TP63: variants seen among roughly 807,000 people sequenced by gnomAD.
The protein encoded by TP63 is tumor protein p63, also known as tumor protein 63.
In TP63, 17 loss-of-function variants were observed where a neutral mutation model predicts 82.8. That is an observed-to-expected ratio of 0.21 (90% confidence interval 0.14 to 0.31). The LOEUF (loss-of-function observed/expected upper bound fraction) is 0.31, where lower values mean the gene tolerates loss of function less well. TP63 is among the 10% of genes least tolerant of loss of function. The pLI, the probability that TP63 is intolerant of heterozygous loss-of-function variation, is 1.00. For synonymous variants in TP63, 330 were observed against 321.7 expected (o/e 1.03, Z -0.28); for missense variants, 648 against 895.3 (o/e 0.72, Z 3.52).
intron 1 of TP63, among the ~76,000 whole-genome samples, chr3:189,720,975 A>G (rs1719348530): frequency 6.6e-6 from 1 of 152,152 alleles, no homozygotes; most frequent in Non-Finnish European, 1.5e-5. Context: ...CTATTCGTAA[A>G]CAAGTCTCTC....
chr3:189,665,479 T>C (rs1218988722), intron 1 of TP63, among the ~76,000 whole-genome samples: 1 of 151,990 alleles, frequency 6.6e-6, no homozygotes, highest in Non-Finnish European at 1.5e-5. Flanking sequence ...TAGATTAGAG[T>C]ATATGTAGTT....
chr3:189,669,609 A>T (rs1010531060), intron 1 of TP63, among the ~76,000 whole-genome samples: 1 of 152,082 alleles, frequency 6.6e-6, no homozygotes, highest in African/African-American at 2.4e-5. Context: ...AGGGAAGACA[A>T]GGAAAATAGA....
chr3:189,665,149 G>C (rs932045391), intron 1 of TP63, among the ~76,000 whole-genome samples: 1 of 152,086 alleles, frequency 6.6e-6, no homozygotes, highest in African/African-American at 2.4e-5. Flanking sequence ...CTCCTTATGA[G>C]AGTGTACTAC....
chr3:189,659,131 C>A (rs1050609642), intron 1 of TP63, among the ~76,000 whole-genome samples: 1 of 151,830 alleles, frequency 6.6e-6, no homozygotes, highest in African/African-American at 2.4e-5. Context: ...GAATATATTG[C>A]ATGATGCTGA....
chr3:189,672,121 C>T (rs763279338), intron 1 of TP63, among the ~76,000 whole-genome samples: 8 of 151,994 alleles, frequency 5.3e-5, no homozygotes, highest in Non-Finnish European at 1.0e-4. Flanking sequence ...GATCATTACA[C>T]ATTGTAGATA....
rs985535592 is a variant in TP63, at chr3:189,867,307, G to A, written c.882+510G>A. Among the ~76,000 whole-genome samples, 6 of 152,038 alleles carry A rather than the reference G, an allele frequency of 3.9e-5. 1 individual carries two copies. Among genetic ancestry groups the A allele is most frequent in the African/African-American group, 9.7e-5 (4 of 41,398 alleles). On this transcript the variant is annotated intron_variant, in intron 6 of 13. Transcript: ENST00000264731. ...TTGCTGGCTTGCTGTGTGGACCTTC[G>A]GCAACTCTCTCTCTCTAGGCTTCAG...
intron 1 of TP63, among the ~76,000 whole-genome samples, chr3:189,641,960 T>C (rs1175025347): frequency 6.6e-6 from 1 of 152,206 alleles, no homozygotes. Context: ...CTGTTTGTAC[T>C]ATCATTCTCA....
chr3:189,867,468 C>A (rs1291641213), intron 6 of TP63, among the ~76,000 whole-genome samples: 1 of 152,188 alleles, frequency 6.6e-6, no homozygotes, highest in Non-Finnish European at 1.5e-5. Context: ...GGAAAATATT[C>A]TTGGAGCATT....
rs1721527174 is a variant in TP63, at chr3:189,897,033, A to C, written c.*2531A>C. 2 of 225,978 alleles carry C rather than the reference A, an allele frequency of 8.9e-6. No homozygotes were observed. The highest frequency in any genetic ancestry group is 1.8e-5 in the Non-Finnish European group (2 of 113,494). 14.0% of individuals were successfully genotyped at this position (225,978 alleles called of 1,614,324 possible). ...CAGTATGTGGGATATTGAATGTTAA[A>C]GGGATATTTTTTTCTATTATTTTTA... is the stretch of plus-strand genomic sequence containing the variant. On this transcript the variant is annotated 3_prime_UTR_variant, in exon 14 of 14. Transcript: ENST00000264731.
intron 1 of TP63, 25 bp from the exon 2 acceptor site, chr3:189,737,715 C>T: frequency 1.2e-6 from 2 of 1,611,388 alleles, no homozygotes; most frequent in Non-Finnish European, 1.7e-6. Context: ...AAGTATAATA[C>T]TAGTTTCATT....
intron 3 of TP63, among the ~76,000 whole-genome samples, chr3:189,765,432 G>GATTTTTTTTTTTTTTTTTTTT (rs1560167431): frequency 1.6e-4 from 1 of 6,186 alleles, no homozygotes; most frequent in Non-Finnish European, 3.7e-4. Flanking sequence ...CCTGTCCTCT[G>GATTTTTTTTTTTTTTTTTTTT]CTTTTTTTTT....
rs976609003 is a variant in TP63 at position 189,779,146 on chromosome 3, A to T, written c.325-29126A>T. ...TAGTTTCCCTTTACTTTTAAGCAAC[A>T]TATATATTAACACTAAAGTAGCTTT... On this transcript the variant is annotated intron_variant, in intron 3 of 13. Transcript: ENST00000264731. Among the ~76,000 whole-genome samples, 8 of 152,196 alleles carry T rather than the reference A, an allele frequency of 5.3e-5. 1 individual carries two copies. The highest frequency in any genetic ancestry group is 7.2e-5 in the African/African-American group (3 of 41,446).
intron 3 of TP63, among the ~76,000 whole-genome samples, chr3:189,750,615 TA>T (rs1179661952): frequency 1.3e-5 from 2 of 152,122 alleles, no homozygotes; most frequent in Non-Finnish European, 2.9e-5. Flanking sequence ...ATGTATCAAT[TA>T]AAAAATATTG....
At chr3:189,863,602 C>T (rs771819893) in intron 4 of TP63, among the ~76,000 whole-genome samples, 7 of 152,076 alleles carry the variant, frequency 4.6e-5, no homozygotes, top group African/African-American at 1.7e-4. Flanking sequence ...AGTTTAGGAC[C>T]AAACAGCCCC....
chr3:189,636,461 C>G lies in TP63; in HGVS notation c.62+4884C>G, dbSNP rs556982543. Among the ~76,000 whole-genome samples, 57 of 152,210 alleles carry G rather than the reference C, an allele frequency of 3.7e-4. 1 individual carries two copies. In the South Asian group the frequency reaches 0.011, roughly 28 times the overall value. The stretch of plus-strand genomic sequence containing the variant: ...ACTCAACTCAACTCTGAAATACACC[C>G]CTTTAGTGTACGGTAAGTTCTCACT... On this transcript the variant is annotated intron_variant, in intron 1 of 13. Transcript: ENST00000264731.
At chr3:189,658,293 A>G (rs1329492470) in intron 1 of TP63, among the ~76,000 whole-genome samples, 1 of 152,086 alleles carries the variant, frequency 6.6e-6, no homozygotes, top group East Asian at 1.9e-4. Context: ...GCAAATTAAT[A>G]TAGGAGAATA....
chr3:189,745,301 A>C (rs1370722780), intron 3 of TP63, among the ~76,000 whole-genome samples: 1 of 152,244 alleles, frequency 6.6e-6, no homozygotes, highest in East Asian at 1.9e-4. Context: ...TAAATTCAAA[A>C]TATTGATACT....
At chr3:189,850,108 G>A (rs779369580) in intron 4 of TP63, among the ~76,000 whole-genome samples, 12 of 152,070 alleles carry the variant, frequency 7.9e-5, no homozygotes, top group African/African-American at 1.2e-4. Context: ...ATGGCAGAAC[G>A]CTGTCTCTAC....
At chr3:189,882,259 A>C (rs1719996453) in intron 10 of TP63, among the ~76,000 whole-genome samples, 1 of 152,058 alleles carries the variant, frequency 6.6e-6, no homozygotes, top group Admixed American at 6.6e-5. Flanking sequence ...GTAAGTTTTT[A>C]ATGTGTTTAT....
Sources: allele counts gnomAD v4.1 joint callset (sites outside exome capture counted in the v4.1 genomes callset), GRCh38; gene constraint gnomAD v4.1.1; transcripts MANE v1.5; gene names NCBI Gene and HGNC (gene_info 2026-07-23, HGNC 2026-07-21).